The following CLSTN2 variants were observed in gnomAD, a reference collection of about 807,000 sequenced individuals.
The protein encoded by CLSTN2 is calsyntenin 2, also known as calsyntenin-2.
Under a neutral mutation model 101.2 loss-of-function variants are expected in CLSTN2, and 48 were observed. The observed-to-expected ratio is 0.47, with a 90% CI of 0.38 to 0.60. CLSTN2 has a LOEUF of 0.60. Among genes scored for constraint, CLSTN2 ranks in the 20% least tolerant of loss-of-function variants. The pLI is 0.00. For missense variants in CLSTN2, 1,160 were observed against 1,238.2 expected, an observed-to-expected ratio of 0.94 and a Z score of 0.95; for synonymous variants, 481 against 463.6, an observed-to-expected ratio of 1.04 and a Z score of -0.48.
At chr3:140,427,111 G>A (rs777366802) in intron 5 of CLSTN2, among the ~76,000 whole-genome samples, 16 of 148,922 alleles carry the variant, frequency 1.1e-4, no homozygotes, top group Admixed American at 4.0e-4. Context: ...GGGAAGTGGA[G>A]GTTGCAGTTA....
intron 2 of CLSTN2, among the ~76,000 whole-genome samples, chr3:140,240,748 A>G (rs767260596): frequency 6.6e-6 from 1 of 152,186 alleles, no homozygotes; most frequent in African/African-American, 2.4e-5. Context: ...AGAGACCAGA[A>G]CAAGCTAACT....
chr3:139,978,976 A>G (rs1385353453), intron 1 of CLSTN2, among the ~76,000 whole-genome samples: 1 of 152,208 alleles, frequency 6.6e-6, no homozygotes, highest in Non-Finnish European at 1.5e-5. Context: ...TGCCTATAGA[A>G]CTTTGATGAC....
chr3:140,174,977 C>A (rs1031476989), intron 1 of CLSTN2, among the ~76,000 whole-genome samples: 2 of 152,218 alleles, frequency 1.3e-5, no homozygotes, highest in Non-Finnish European at 2.9e-5. Flanking sequence ...TTCCAGGATT[C>A]TCTCCTAGCT....
At chr3:140,305,252 A>G (rs1234309745) in intron 2 of CLSTN2, among the ~76,000 whole-genome samples, 1 of 149,632 alleles carries the variant, frequency 6.7e-6, no homozygotes, top group Non-Finnish European at 1.5e-5. Context: ...TTTATCTAAT[A>G]TATATTATAT....
At position 140,140,348 on chromosome 3, in the gene CLSTN2, G is replaced by C. The variant is rs548615093; in HGVS notation, c.110-35603G>C. Among the ~76,000 whole-genome samples the C allele has an allele frequency of 2.9e-3, 448 of 152,230 alleles. 1 individual carries two copies. The highest frequency in any genetic ancestry group is 5.2e-3 in the Non-Finnish European group (354 of 68,026). ...GACTTTTGCTTCTGACGAGGCCTCA[G>C]GAAGCTTACTAACATGGTGGAAGGC... On this transcript the variant is annotated intron_variant, in intron 1 of 16. Transcript: ENST00000458420.
At chr3:140,023,489 T>C (rs1240648080) in intron 1 of CLSTN2, among the ~76,000 whole-genome samples, 2 of 152,146 alleles carry the variant, frequency 1.3e-5, no homozygotes, top group African/African-American at 2.4e-5. Flanking sequence ...TGAGAGCAGA[T>C]GGGAACCTCT....
intron 1 of CLSTN2, among the ~76,000 whole-genome samples, chr3:140,055,833 A>G (rs2008086092): frequency 6.6e-6 from 1 of 152,222 alleles, no homozygotes; most frequent in Non-Finnish European, 1.5e-5. Context: ...AATGTGTAAA[A>G]GAAGAAAGGA....
chr3:140,229,155 A>G (rs757445785), intron 2 of CLSTN2, among the ~76,000 whole-genome samples: 25 of 152,192 alleles, frequency 1.6e-4, no homozygotes, highest in Non-Finnish European at 2.4e-4. Flanking sequence ...CCAGGATTGC[A>G]GGAGCCTAGA....
intron 1 of CLSTN2, among the ~76,000 whole-genome samples, chr3:140,086,508 G>T (rs1370214897): frequency 6.6e-6 from 1 of 152,152 alleles, no homozygotes. Context: ...GCTTGGAATG[G>T]TGCCTGGCAC....
At chr3:140,143,901 T>G (rs190115378) in intron 1 of CLSTN2, among the ~76,000 whole-genome samples, 1 of 152,374 alleles carries the variant, frequency 6.6e-6, no homozygotes, top group Admixed American at 6.5e-5. Context: ...GTCTGTCAGC[T>G]TCCGCTCTGT....
chr3:140,418,550 C>A (rs2107988817), intron 4 of CLSTN2, among the ~76,000 whole-genome samples: 1 of 137,842 alleles, frequency 7.3e-6, no homozygotes, highest in Non-Finnish European at 1.5e-5. Flanking sequence ...CGGAGTCTCA[C>A]TCTGTGGCCC....
At chr3:140,259,042 A>G (rs1440258525) in intron 2 of CLSTN2, among the ~76,000 whole-genome samples, 1 of 152,178 alleles carries the variant, frequency 6.6e-6, no homozygotes, top group Non-Finnish European at 1.5e-5. Flanking sequence ...TTTGGTGTCT[A>G]TACCATGCTC....
In CLSTN2 at chr3:140,092,328, A is replaced by G. The variant is rs1299212619; in HGVS notation, c.110-83623A>G. ...CTCTTGATAAAACTGTAAGGATGAG[A>G]GACATGCCCCTGTTTTGCTCTCAGT... On this transcript the variant is annotated intron_variant, in intron 1 of 16. Transcript: ENST00000458420. 5.9e-5 allele frequency among the ~76,000 whole-genome samples: 9 copies of G among 152,364 alleles called. No homozygotes were observed. The South Asian group carries it at 8.3e-4, about 14-fold the overall frequency.
chr3:140,381,554 C>T (rs2087984087), intron 2 of CLSTN2, among the ~76,000 whole-genome samples: 1 of 152,230 alleles, frequency 6.6e-6, no homozygotes, highest in South Asian at 2.1e-4. Flanking sequence ...AAGCTCATAG[C>T]ATGATACTTG....
At chr3:140,403,562 A>T in intron 2 of CLSTN2, 67 bp from the exon 3 acceptor site, 1 of 1,349,310 alleles carries the variant, frequency 7.4e-7, no homozygotes, top group Non-Finnish European at 1.0e-6. Flanking sequence ...ATCTGGTCCA[A>T]TGGAAGCACT....
rs551482963 is a variant in CLSTN2 at position 140,464,485 on chromosome 3, C to T, written c.1223-2125C>T. On this transcript the variant is annotated intron_variant, in intron 7 of 16. Transcript: ENST00000458420. The stretch of plus-strand genomic sequence containing the variant: ...GACAGGAAAAGGAATAAAATGGATT[C>T]CTGAGCAAATCACATCACCAACACA... 3.9e-5 allele frequency among the ~76,000 whole-genome samples: 6 copies of T among 152,258 alleles called. No homozygotes were observed. In the South Asian group the frequency reaches 1.0e-3, roughly 26 times the overall value.
At chr3:140,056,039 C>T (rs1161497469) in intron 1 of CLSTN2, among the ~76,000 whole-genome samples, 1 of 152,028 alleles carries the variant, frequency 6.6e-6, no homozygotes, top group African/African-American at 2.4e-5. Flanking sequence ...GGTACCAATA[C>T]CACAAAAGGA....
intron 1 of CLSTN2, among the ~76,000 whole-genome samples, chr3:140,119,650 G>T (rs968628340): frequency 6.6e-6 from 1 of 152,066 alleles, no homozygotes; most frequent in Non-Finnish European, 1.5e-5. Context: ...CTGGGGGTAT[G>T]GATGCATGTC....
At chr3:140,018,229 C>T (rs970228520) in intron 1 of CLSTN2, among the ~76,000 whole-genome samples, 8 of 152,184 alleles carry the variant, frequency 5.3e-5, no homozygotes, top group African/African-American at 1.9e-4. Flanking sequence ...TGACATTACG[C>T]TTCTATTCAT....
Sources: allele counts gnomAD v4.1 joint callset (sites outside exome capture counted in the v4.1 genomes callset), GRCh38; gene constraint gnomAD v4.1.1; transcripts MANE v1.5; gene names NCBI Gene and HGNC (gene_info 2026-07-23, HGNC 2026-07-21).